The following ATCAY variants were observed in gnomAD, a reference collection of about 807,000 sequenced individuals.
ATCAY encodes ATCAY kinesin light chain interacting caytaxin, also known as caytaxin.
In ATCAY, 22 loss-of-function variants were observed where a neutral mutation model predicts 47.7. The ratio of observed to expected loss-of-function variants is 0.46; its 90% CI spans 0.33 to 0.66. The LOEUF (loss-of-function observed/expected upper bound fraction) is 0.66. Among genes scored for constraint, ATCAY ranks in the 30% least tolerant of loss-of-function variants. ATCAY has a pLI of 0.02. For synonymous variants in ATCAY, 216 were observed against 207.6 expected (o/e 1.04, Z -0.35); for missense variants, 452 against 515.0 (o/e 0.88, Z 1.18).
At position 3,900,534 on chromosome 19, in the gene ATCAY, T is replaced by TTTTG. The variant is rs1003761086; in HGVS notation, c.78-1937_78-1934dup. 4.6e-5 allele frequency among the ~76,000 whole-genome samples: 7 copies of TTTTG among 152,002 alleles called. No homozygotes were observed. The South Asian group carries it at 8.3e-4, about 18-fold the overall frequency. ...TTTCTTGTTTTGATGCCCTTGATAG[T>TTTTG]TTTGTTTGTTTGTTTGTTTTGAGAT... is the stretch of plus-strand genomic sequence containing the variant. On this transcript the variant is annotated intron_variant, in intron 2 of 12. Coordinates refer to ENST00000450849, the MANE Select transcript of ATCAY (RefSeq NM_033064.5).
chr19:3,921,813 C>T (rs1352606437), intron 12 of ATCAY, among the ~76,000 whole-genome samples: 1 of 151,818 alleles, frequency 6.6e-6, no homozygotes, highest in Non-Finnish European at 1.5e-5. Context: ...AAGAGAATTG[C>T]TTGAACCTGG....
intron 2 of ATCAY, among the ~76,000 whole-genome samples, chr19:3,893,170 ACT>A (rs2038734073): frequency 1.1e-5 from 1 of 93,248 alleles, no homozygotes; most frequent in Non-Finnish European, 2.2e-5. Context: ...GGGGACCCCC[ACT>A]TTTTTTTTTT....
intron 8 of ATCAY, 86 bp downstream of exon 8, chr19:3,910,975 G>A: frequency 7.2e-7 from 1 of 1,391,068 alleles, no homozygotes; most frequent in Non-Finnish European, 1.0e-6. Flanking sequence ...GTGTGCATGT[G>A]TGCACGTGTG....
intron 2 of ATCAY, among the ~76,000 whole-genome samples, chr19:3,898,176 CT>C (rs546806262): frequency 0.01 from 1,506 of 149,580 alleles, 18 homozygotes; most frequent in Middle Eastern, 0.048. Context: ...CTAAACATCT[CT>C]TTTTTTTTTC....
intron 11 of ATCAY, 148 bp from the exon 12 acceptor site, chr19:3,920,618 T>C (rs8108660): frequency 0.97 from 477,055 of 490,100 alleles, 232,215 homozygotes; most frequent in East Asian, 1. Flanking sequence ...GCTGGGATTA[T>C]AGGCATGAGC....
At chr19:3,899,851 C>T (rs1194282284) in intron 2 of ATCAY, among the ~76,000 whole-genome samples, 2 of 152,098 alleles carry the variant, frequency 1.3e-5, no homozygotes, top group Non-Finnish European at 1.5e-5. Flanking sequence ...GGGTCAAACT[C>T]GGGCAGCACG....
intron 2 of ATCAY, among the ~76,000 whole-genome samples, chr19:3,899,402 C>A (rs1175754302): frequency 6.6e-6 from 1 of 151,148 alleles, no homozygotes; most frequent in South Asian, 2.1e-4. Flanking sequence ...CAACCTCCGC[C>A]TCCAGGGTTC....
intron 1 of ATCAY, among the ~76,000 whole-genome samples, chr19:3,881,467 A>C (rs2038598833): frequency 6.6e-6 from 1 of 151,008 alleles, no homozygotes; most frequent in Non-Finnish European, 1.5e-5. Context: ...ATGGTTTAAG[A>C]CACAGATGCC....
At chr19:3,884,174 A>G (rs572376651) in intron 1 of ATCAY, among the ~76,000 whole-genome samples, 12 of 152,088 alleles carry the variant, frequency 7.9e-5, no homozygotes, top group African/African-American at 2.9e-4. Flanking sequence ...GTGGTCCCAG[A>G]TACTTGGGAG....
chr19:3,886,823 C>A (rs1471168417), intron 2 of ATCAY, among the ~76,000 whole-genome samples: 1 of 150,540 alleles, frequency 6.6e-6, no homozygotes, highest in Non-Finnish European at 1.5e-5. Context: ...CAGTGATTCT[C>A]CTTCCTCATG....
intron 9 of ATCAY, among the ~76,000 whole-genome samples, chr19:3,915,454 G>T (rs911793253): frequency 1.3e-5 from 2 of 151,970 alleles, no homozygotes; most frequent in Non-Finnish European, 2.9e-5. Context: ...CAAAGTGCTG[G>T]GATTACAGGC....
In ATCAY at chr19:3,885,872, C is replaced by T. The variant is rs1237346029; in HGVS notation, c.77+28C>T. 7.7e-6 allele frequency: 12 copies of T among 1,548,678 alleles called. No homozygotes were observed. In the East Asian group the frequency reaches 9.8e-5, roughly 13 times the overall value. On this transcript the variant is annotated intron_variant, in intron 2 of 12. Coordinates refer to ENST00000450849, the MANE Select transcript of ATCAY (RefSeq NM_033064.5). ...AGGACTTCCACATCCCTGAGTCAAC[C>T]GTTGGGGGAGCAGGTGTCTCTCCCA... is the stretch of plus-strand genomic sequence containing the variant.
chr19:3,894,625 C>CAAAA (rs56732320), intron 2 of ATCAY, among the ~76,000 whole-genome samples: 2 of 75,160 alleles, frequency 2.7e-5, no homozygotes, highest in African/African-American at 4.9e-5. Context: ...CCTGTGTCTG[C>CAAAA]AAAAAAAAAA....
At position 3,905,658 on chromosome 19, in the gene ATCAY, A is replaced by G. The variant is rs760572529; in HGVS notation, c.358+3A>G. On this transcript the variant is annotated splice_donor_region_variant and intron_variant, in intron 4 of 12. Coordinates refer to ENST00000450849, the MANE Select transcript of ATCAY (RefSeq NM_033064.5). ...TGGCAACGAACTGGAGTGGGAAGGT[A>G]AAGTTCAGGGTCTCTCTGGGGCCTG... 10 of 1,612,692 alleles carry G rather than the reference A, an allele frequency of 6.2e-6. No homozygotes were observed. The highest frequency in any genetic ancestry group is 8.5e-6 in the Non-Finnish European group (10 of 1,179,386).
In ATCAY at chr19:3,924,579, C is replaced by T. The variant is rs748232092; in HGVS notation, c.1107-4C>T. ...TAACTTGGCCTGTGTCTTTCCCTCCCTAGCATGTCCTGAGGCGACGTGAGC... is the reference window on the plus strand; with the variant it reads ...TAACTTGGCCTGTGTCTTTCCCTCCTTAGCATGTCCTGAGGCGACGTGAGC... On this transcript the variant is annotated splice_region_variant and splice_polypyrimidine_tract_variant and intron_variant, in intron 12 of 12. Transcript: ENST00000450849. The T allele has an allele frequency of 6.2e-7, 1 of 1,613,696 alleles. No individual in the cohort carries two copies. Among genetic ancestry groups the T allele is most frequent in the South Asian group, 1.1e-5 (1 of 91,072 alleles).
chr19:3,909,739 GC>G, intron 7 of ATCAY, 122 bp downstream of exon 7: 1 of 1,402,800 alleles, frequency 7.1e-7, no homozygotes, highest in Non-Finnish European at 9.6e-7. Context: ...GGTCCCTTGA[GC>G]CCAGGAGTTT....
chr19:3,902,607 C>A (rs1301187694), intron 3 of ATCAY, 62 bp downstream of exon 3: 11 of 1,492,212 alleles, frequency 7.4e-6, no homozygotes, highest in African/African-American at 1.4e-5. Flanking sequence ...TTCAGCCCTG[C>A]CTGGGGCTGT....
intron 2 of ATCAY, among the ~76,000 whole-genome samples, chr19:3,901,222 G>A (rs1436403655): frequency 6.6e-6 from 1 of 152,132 alleles, no homozygotes; most frequent in Non-Finnish European, 1.5e-5. Flanking sequence ...CTTCTTGAGG[G>A]CAGAACTGTA....
In ATCAY at chr19:3,913,781, A is replaced by G. The variant is rs2038942218; in HGVS notation, c.890A>G (p.Gln297Arg). The G allele has an allele frequency of 1.2e-6, 2 of 1,613,850 alleles. No homozygotes were observed. The highest frequency in any genetic ancestry group is 1.7e-5 in the Admixed American group (1 of 59,976). ...FISVKFINKI[Q>R]YVHSLEDLEQ... ...AGCGTCAAGTTCATCAACAAGATCCAGTACGTGCACAGCTTGGAAGACCTG... is the reference window on the plus strand; with the variant it reads ...AGCGTCAAGTTCATCAACAAGATCCGGTACGTGCACAGCTTGGAAGACCTG... Residue 297 changes from glutamine to arginine, a missense_variant, in exon 9 of 13, where the codon CAG becomes CGG. By Grantham distance (43) the Gln-to-Arg change is conservative. Transcript: ENST00000450849.
Sources: allele counts gnomAD v4.1 joint callset (sites outside exome capture counted in the v4.1 genomes callset), GRCh38; gene constraint gnomAD v4.1.1; transcripts MANE v1.5; gene names NCBI Gene and HGNC (gene_info 2026-07-23, HGNC 2026-07-21).